The following GREB1L variants were observed in gnomAD, a reference collection of about 807,000 sequenced individuals.
GREB1L encodes GREB1 like retinoic acid receptor coactivator.
Under a neutral mutation model 200.8 loss-of-function variants are expected in GREB1L, and 17 were observed. That is an observed-to-expected ratio of 0.08 (90% CI 0.06 to 0.13). GREB1L has a LOEUF of 0.13. Among genes scored for constraint, GREB1L ranks in the 10% least tolerant of loss-of-function variants. GREB1L has a pLI of 1.00. For synonymous variants in GREB1L, 789 were observed against 893.0 expected (o/e 0.88, Z 2.08); for missense variants, 1,657 against 2,367.7 (o/e 0.70, Z 6.23).
intron 15 of GREB1L, among the ~76,000 whole-genome samples, chr18:21,466,259 A>T (rs2035259112): frequency 6.6e-6 from 1 of 152,156 alleles, no homozygotes. Context: ...GCTGGTACAC[A>T]TATAAGAGTT....
chr18:21,467,894 A>G (rs766314107), intron 15 of GREB1L, among the ~76,000 whole-genome samples: 4 of 152,104 alleles, frequency 2.6e-5, no homozygotes, highest in South Asian at 2.1e-4. Flanking sequence ...GCGTGGTGGC[A>G]TGCACCTGTA....
At chr18:21,489,773 C>T (rs2036258719) in intron 18 of GREB1L, among the ~76,000 whole-genome samples, 1 of 152,284 alleles carries the variant, frequency 6.6e-6, no homozygotes. Flanking sequence ...GGTTTCTAGA[C>T]AATCTCTAAA....
At position 21,438,496 on chromosome 18, in the gene GREB1L, C is replaced by G. The variant is rs964947281; in HGVS notation, c.833-1025C>G. Among the ~76,000 whole-genome samples, 12 of 151,682 alleles carry G rather than the reference C, an allele frequency of 7.9e-5. No homozygotes were observed. In the East Asian group the frequency reaches 2.3e-3, roughly 30 times the overall value. On this transcript the variant is annotated intron_variant, in intron 7 of 32. Coordinates refer to ENST00000424526, the MANE Select transcript of GREB1L (RefSeq NM_001142966.3). The stretch of plus-strand genomic sequence containing the variant: ...TCTGGACAACATAGCAAGATGCTCT[C>G]TCTTAAAAAAAAAATCTTAAAAATT...
Position 21,383,590 on chromosome 18 carries a change from C to G in GREB1L, c.72C>G (p.Ala24=). The G allele has an allele frequency of 6.4e-7, 1 of 1,550,568 alleles. No homozygotes were observed. Among genetic ancestry groups the G allele is most frequent in the Non-Finnish European group, 8.7e-7 (1 of 1,146,524 alleles). ...AAGCTCTCCACAACTCCATAGAAGC[C>G]TCCCTCAGATGTAGTAGTGTGGTAC... The part of the protein sequence containing the change: ...FEEALHNSIE[A]SLRCSSVVPR... Residue 24 remains alanine (A), a synonymous_variant, in exon 3 of 33, where the codon GCC becomes GCG. Transcript: ENST00000424526.
At chr18:21,358,755 C>T (rs1598691891) in intron 1 of GREB1L, among the ~76,000 whole-genome samples, 1 of 152,112 alleles carries the variant, frequency 6.6e-6, no homozygotes, top group Non-Finnish European at 1.5e-5. Flanking sequence ...GCTCAGGTGA[C>T]GGGTGCACCG....
chr18:21,481,892 C>T (rs2035936741), intron 17 of GREB1L, among the ~76,000 whole-genome samples: 1 of 152,180 alleles, frequency 6.6e-6, no homozygotes, highest in Admixed American at 6.5e-5. Flanking sequence ...TTTTATTTCA[C>T]ATAGTACTGC....
intron 7 of GREB1L, among the ~76,000 whole-genome samples, chr18:21,408,623 C>T (rs185128045): frequency 8.2e-4 from 125 of 151,930 alleles, no homozygotes; most frequent in African/African-American, 2.8e-3. Context: ...GGAGAAACTC[C>T]GTCTCTACTA....
At chr18:21,413,928 G>A (rs1304713960) in intron 7 of GREB1L, among the ~76,000 whole-genome samples, 1 of 152,194 alleles carries the variant, frequency 6.6e-6, no homozygotes, top group Admixed American at 6.5e-5. Context: ...GTGTTAAAAT[G>A]CAGTGCTGGT....
At chr18:21,493,865 C>CAAAAA (rs35758360) in intron 19 of GREB1L, among the ~76,000 whole-genome samples, 3,241 of 38,486 alleles carry the variant, frequency 0.084, 1,415 homozygotes, top group East Asian at 0.32. Flanking sequence ...GACCCTGTCT[C>CAAAAA]AAAAAAAAAA....
intron 31 of GREB1L, among the ~76,000 whole-genome samples, chr18:21,519,855 G>T (rs1290391480): frequency 6.6e-6 from 1 of 151,380 alleles, no homozygotes; most frequent in African/African-American, 2.4e-5. Flanking sequence ...TTACTTCTCC[G>T]TAATTTTTGC....
At chr18:21,386,352 C>T (rs1306424980) in intron 4 of GREB1L, among the ~76,000 whole-genome samples, 13 of 151,984 alleles carry the variant, frequency 8.6e-5, no homozygotes, top group African/African-American at 2.2e-4. Flanking sequence ...AGTGCAGTGG[C>T]GCGACCTCAG....
intron 1 of GREB1L, among the ~76,000 whole-genome samples, chr18:21,306,504 T>C (rs1373423409): frequency 1.3e-5 from 2 of 152,184 alleles, no homozygotes; most frequent in Non-Finnish European, 2.9e-5. Context: ...CTTTGCAACT[T>C]GATGTGTTAT....
chr18:21,369,617 A>G (rs562485450), intron 2 of GREB1L, among the ~76,000 whole-genome samples: 69 of 152,318 alleles, frequency 4.5e-4, no homozygotes, highest in African/African-American at 1.5e-3. Flanking sequence ...TTCTAAAAAA[A>G]TTTAATATAT....
At chr18:21,358,873 G>T (rs2039543965) in intron 1 of GREB1L, among the ~76,000 whole-genome samples, 1 of 152,100 alleles carries the variant, frequency 6.6e-6, no homozygotes, top group Non-Finnish European at 1.5e-5. Context: ...CAGAATAAAA[G>T]AAAAAGAAGA....
intron 24 of GREB1L, 88 bp from the exon 25 acceptor site, chr18:21,505,722 G>A: frequency 7.0e-7 from 1 of 1,436,874 alleles, no homozygotes; most frequent in East Asian, 2.5e-5. Flanking sequence ...ACATGGAAAA[G>A]TCATTTTGGG....
chr18:21,360,288 G>A (rs1171491766), intron 1 of GREB1L, among the ~76,000 whole-genome samples: 5 of 152,116 alleles, frequency 3.3e-5, no homozygotes, highest in African/African-American at 1.2e-4. Flanking sequence ...ACACGATCTC[G>A]GCTCCCTGCA....
At chr18:21,449,146 C>CATTAACA (rs1262412087) in intron 11 of GREB1L, among the ~76,000 whole-genome samples, 1 of 152,122 alleles carries the variant, frequency 6.6e-6, no homozygotes, top group Non-Finnish European at 1.5e-5. Context: ...TTTCATTAGT[C>CATTAACA]ATTAACAATT....
intron 1 of GREB1L, among the ~76,000 whole-genome samples, chr18:21,284,931 A>G (rs1320775542): frequency 6.6e-6 from 1 of 152,100 alleles, no homozygotes; most frequent in East Asian, 1.9e-4. Flanking sequence ...AATGGTTAAT[A>G]ATATTGAGCA....
intron 21 of GREB1L, among the ~76,000 whole-genome samples, chr18:21,497,147 C>T (rs536175851): frequency 1.4e-3 from 211 of 152,310 alleles, no homozygotes; most frequent in African/African-American, 4.8e-3. Context: ...CAGTTAACAG[C>T]AAGCATTGTA....
Sources: allele counts gnomAD v4.1 joint callset (sites outside exome capture counted in the v4.1 genomes callset), GRCh38; gene constraint gnomAD v4.1.1; transcripts MANE v1.5; gene names NCBI Gene and HGNC (gene_info 2026-07-23, HGNC 2026-07-21).